The following PTK2 variants were observed in gnomAD, a reference collection of about 807,000 sequenced individuals.
PTK2 encodes focal adhesion kinase 1.
In PTK2, 45 loss-of-function variants were observed where a neutral mutation model predicts 150.1. The observed-to-expected ratio is 0.30, with a 90% CI of 0.24 to 0.38. The LOEUF is 0.38. Among genes scored for constraint, PTK2 ranks in the 10% least tolerant of loss-of-function variants. The pLI, the probability that PTK2 is intolerant of heterozygous loss-of-function variation, is 1.00. For missense variants in PTK2, 919 were observed against 1,307.3 expected, an observed-to-expected ratio of 0.70 and a Z score of 4.58; for synonymous variants, 432 against 449.2, an observed-to-expected ratio of 0.96 and a Z score of 0.48.
rs1178955152 is a variant in PTK2, at chr8:140,902,910, CT to C, written c.-32-12142del. 2.4e-5 allele frequency among the ~76,000 whole-genome samples: 3 copies of C among 126,534 alleles called. No individual in the cohort carries two copies. In the Admixed American group the frequency reaches 2.6e-4, roughly 11 times the overall value. 83.0% of individuals were successfully genotyped at this position (126,534 alleles called of 152,430 possible). The stretch of plus-strand genomic sequence containing the variant: ...TCCCATTCTGTAGGTTGCCTGTTCA[CT>C]CTGATGAGAGTTGTTTTTTTTTTTT... On this transcript the variant is annotated intron_variant, in intron 2 of 31. Transcript: ENST00000522684.
rs139220047 is a variant in PTK2, at chr8:140,696,994, C to T, written c.2499+3897G>A. On this transcript the variant is annotated intron_variant, in intron 26 of 31. Transcript: ENST00000522684. The stretch of plus-strand genomic sequence containing the variant: ...ACCAAAAATACAAAAATTAGCTGGG[C>T]GTGGTGGTGCGTGACTGTAGTCCCA... 6.7e-4 allele frequency among the ~76,000 whole-genome samples: 102 copies of T among 151,866 alleles called. No individual in the cohort carries two copies. The East Asian group carries it at 0.015, about 22-fold the overall frequency.
At position 140,928,957 on chromosome 8, in the gene PTK2, A is replaced by ATTTTT. The variant is rs34658967; in HGVS notation, c.-121-3213_-121-3209dup. Among the ~76,000 whole-genome samples the ATTTTT allele has an allele frequency of 2.7e-3, 247 of 92,234 alleles. 31 individuals carry two copies. The East Asian group carries it at 0.048, about 18-fold the overall frequency. The allele number at this position is 92,234 out of a possible 152,430, so 60.5% of individuals were successfully genotyped here. ...TTTTTTAAAATTTATTTTTATCACA[A>ATTTTT]TTTTTTTTTTTTTTTTTTTTTTTTT... On this transcript the variant is annotated intron_variant, in intron 1 of 31. Transcript: ENST00000522684.
intron 1 of PTK2, among the ~76,000 whole-genome samples, chr8:140,996,059 T>C (rs1222918462): frequency 6.6e-6 from 1 of 150,752 alleles, no homozygotes; most frequent in Non-Finnish European, 1.5e-5. Flanking sequence ...GGTGACAGAG[T>C]GAGACTGTGT....
chr8:140,788,910 C>G (rs923119242), intron 14 of PTK2, among the ~76,000 whole-genome samples: 1 of 152,088 alleles, frequency 6.6e-6, no homozygotes, highest in Non-Finnish European at 1.5e-5. Context: ...TCATCCTCCC[C>G]CTTTCCTTTA....
chr8:140,818,989 G>T (rs2100106503), exon 9 of PTK2: 1 of 1,613,264 alleles, frequency 6.2e-7, no homozygotes, highest in African/African-American at 1.3e-5. Flanking sequence ...TTGTCTAAAT[G>T]TTTGTTGGAT....
chr8:140,837,651 C>G (rs1011022621), intron 7 of PTK2, among the ~76,000 whole-genome samples: 1 of 152,070 alleles, frequency 6.6e-6, no homozygotes, highest in African/African-American at 2.4e-5. Flanking sequence ...ATCACTTGCA[C>G]CTGGGAGGTG....
At chr8:140,670,816 G>A (rs1318694691) in intron 29 of PTK2, among the ~76,000 whole-genome samples, 1 of 152,156 alleles carries the variant, frequency 6.6e-6, no homozygotes, top group East Asian at 1.9e-4. Context: ...TTCTTGAGGA[G>A]GGGGCCACAG....
intron 1 of PTK2, among the ~76,000 whole-genome samples, chr8:140,944,649 C>T (rs1339349761): frequency 6.6e-6 from 1 of 152,214 alleles, no homozygotes; most frequent in African/African-American, 2.4e-5. Flanking sequence ...TCCTGAATCA[C>T]AGTGCAAATA....
chr8:140,723,287 C>A (rs2100044017), intron 22 of PTK2, among the ~76,000 whole-genome samples: 1 of 152,328 alleles, frequency 6.6e-6, no homozygotes, highest in East Asian at 1.9e-4. Flanking sequence ...AATTAAACAT[C>A]CGAGTTGTTC....
chr8:140,805,467 G>A (rs2100097650), intron 10 of PTK2, among the ~76,000 whole-genome samples: 2 of 151,464 alleles, frequency 1.3e-5, no homozygotes, highest in African/African-American at 4.9e-5. Context: ...GCTGAGGCAG[G>A]AGAATCACTT....
intron 7 of PTK2, among the ~76,000 whole-genome samples, chr8:140,835,061 C>T (rs2100117881): frequency 6.6e-6 from 1 of 152,222 alleles, no homozygotes; most frequent in Non-Finnish European, 1.5e-5. Flanking sequence ...CCTCTCCCCA[C>T]CTGCACCAGC....
intron 2 of PTK2, chr8:140,920,944 G>A: frequency 4.8e-6 from 7 of 1,466,082 alleles, no homozygotes; most frequent in Non-Finnish European, 6.3e-6. Context: ...CAAGCCAGGA[G>A]TCTGCACACA....
At chr8:140,868,701 A>G (rs2154606327) in intron 4 of PTK2, among the ~76,000 whole-genome samples, 1 of 152,332 alleles carries the variant, frequency 6.6e-6, no homozygotes, top group Non-Finnish European at 1.5e-5. Context: ...TTAATCATAA[A>G]AACAATACCA....
chr8:140,743,145 C>A, intron 20 of PTK2, 85 bp downstream of exon 23: 1 of 849,142 alleles, frequency 1.2e-6, no homozygotes, highest in Non-Finnish European at 1.9e-6. Flanking sequence ...TGTCAAAGAT[C>A]AGGTGAGCAT....
At chr8:140,796,058 G>A (rs762372557) in intron 12 of PTK2, among the ~76,000 whole-genome samples, 1 of 152,138 alleles carries the variant, frequency 6.6e-6, no homozygotes, top group Admixed American at 6.6e-5. Flanking sequence ...CTAAGGTTAC[G>A]GTAAGACTTA....
At chr8:140,709,437 G>A (rs1404063074) in intron 23 of PTK2, among the ~76,000 whole-genome samples, 1 of 152,342 alleles carries the variant, frequency 6.6e-6, no homozygotes, top group South Asian at 2.1e-4. Flanking sequence ...GCCATGGAGA[G>A]TGCAAATGTA....
intron 1 of PTK2, among the ~76,000 whole-genome samples, chr8:140,950,377 T>G (rs1231651648): frequency 6.6e-6 from 1 of 152,240 alleles, no homozygotes; most frequent in Non-Finnish European, 1.5e-5. Flanking sequence ...GATGCGGGTT[T>G]CCACAGCAGA....
At chr8:140,729,037 T>A (rs1176289175) in intron 22 of PTK2, among the ~76,000 whole-genome samples, 1 of 152,008 alleles carries the variant, frequency 6.6e-6, no homozygotes, top group African/African-American at 2.4e-5. Context: ...TTAGATGCCT[T>A]GCAGCTTCAC....
exon 28 of PTK2, chr8:140,675,472 C>T: frequency 1.2e-6 from 2 of 1,612,506 alleles, no homozygotes; most frequent in Non-Finnish European, 1.7e-6. Context: ...GGTTTACCCA[C>T]AGGCTGATAT....
Sources: allele counts gnomAD v4.1 joint callset (sites outside exome capture counted in the v4.1 genomes callset), GRCh38; gene constraint gnomAD v4.1.1; transcripts MANE v1.5; gene names NCBI Gene and HGNC (gene_info 2026-07-23, HGNC 2026-07-21).